The following INTS8 variants were observed in gnomAD, a reference collection of about 807,000 sequenced individuals.
The protein encoded by INTS8 is protein kaonashi-1.
Under a neutral mutation model 138.9 loss-of-function variants are expected in INTS8, and 47 were observed. That is an observed-to-expected ratio of 0.34 (90% CI 0.27 to 0.43). The LOEUF (loss-of-function observed/expected upper bound fraction) is 0.43, where lower values mean the gene tolerates loss of function less well. Among genes scored for constraint, INTS8 ranks in the 20% least tolerant of loss-of-function variants. The probability of loss-of-function intolerance (pLI) is 1.00; values close to 1 mark genes in which losing one functional copy is unlikely to be tolerated. For missense variants in INTS8, 996 were observed against 1,173.0 expected (o/e 0.85, Z 2.20); for synonymous variants, 392 against 400.9 (o/e 0.98, Z 0.27).
chr8:94,848,519 A>G (rs1305525985), intron 10 of INTS8, among the ~76,000 whole-genome samples: 1 of 152,136 alleles, frequency 6.6e-6, no homozygotes, highest in Non-Finnish European at 1.5e-5. Flanking sequence ...TGAGGCAACT[A>G]CTAATCTAAT....
chr8:94,857,665 G>T (rs1815802157), intron 15 of INTS8, among the ~76,000 whole-genome samples: 1 of 152,122 alleles, frequency 6.6e-6, no homozygotes, highest in Admixed American at 6.5e-5. Flanking sequence ...TTTGGCTTGG[G>T]CTGCATTGCT....
intron 6 of INTS8, among the ~76,000 whole-genome samples, chr8:94,833,030 CTCTT>C (rs1814785764): frequency 6.6e-6 from 1 of 151,928 alleles, no homozygotes; most frequent in Non-Finnish European, 1.5e-5. Context: ...CTCTCTCTCT[CTCTT>C]TTTTTTTTAA....
At position 94,842,476 on chromosome 8, in the gene INTS8, C is replaced by T; in HGVS notation, c.1248C>T (p.Asp416=). 6.2e-7 allele frequency: 1 copy of T among 1,600,614 alleles called. No homozygotes were observed. Among genetic ancestry groups the T allele is most frequent in the Middle Eastern group, 1.7e-4 (1 of 6,006 alleles). The part of the protein sequence containing the change: ...LFLRPNKEKI[D]FLLEVCSRSV... Reference sequence around the variant, plus strand: ...TTAGACCAAATAAAGAGAAAATAGACTTTCTTCTTGAGGTATGACATGTTT... The same window carrying T: ...TTAGACCAAATAAAGAGAAAATAGATTTTCTTCTTGAGGTATGACATGTTT... Residue 416 remains aspartate (D), a synonymous_variant, in exon 10 of 27, where the codon GAC becomes GAT. Transcript: ENST00000523731.
Position 94,871,955 on chromosome 8 carries a change from A to C in INTS8, c.2486A>C (p.Asn829Thr), listed in dbSNP as rs1468793595. 2 of 1,606,408 alleles carry C rather than the reference A, an allele frequency of 1.2e-6. No individual in the cohort carries two copies. Among genetic ancestry groups the C allele is most frequent in the Non-Finnish European group, 1.7e-6 (2 of 1,173,914 alleles). ...CTAGTTCGATATACACTCAGTATAAATCCAAATAACCATTCTTGGTTAATT... is the reference window on the plus strand; with the variant it reads ...CTAGTTCGATATACACTCAGTATAACTCCAAATAACCATTCTTGGTTAATT... Reference protein sequence around the residue: ...KELVRYTLSINPNNHSWLIIQ... With the variant: ...KELVRYTLSITPNNHSWLIIQ... The change falls in exon 21 of 27, where the codon AAT (asparagine) becomes ACT (threonine). Residue 829 changes from asparagine to threonine, a missense_variant. Transcript: ENST00000523731.
rs1815474180 is a variant in INTS8, at chr8:94,850,043, A to G, written c.1459A>G (p.Arg487Gly). ...LVDQMRKRSP[R>G]VNLCIKPVTS... is the part of the protein sequence containing the mutation. The stretch of plus-strand genomic sequence containing the variant: ...TGATCAGATGAGGAAGAGATCCCCT[A>G]GAGTAAATCTGTGCATTAAACCTGT... The change falls in exon 12 of 27, where the codon AGA (arginine) becomes GGA (glycine). Residue 487 changes from arginine to glycine, a missense_variant. Physicochemically the swap from Arg to Gly is moderately radical, Grantham distance 125. Transcript: ENST00000523731. The G allele has an allele frequency of 2.5e-6, 4 of 1,612,970 alleles. 1 individual carries two copies. Among genetic ancestry groups the G allele is most frequent in the South Asian group, 2.2e-5 (2 of 90,826 alleles).
intron 21 of INTS8, among the ~76,000 whole-genome samples, chr8:94,872,744 A>C (rs937265758): frequency 2.0e-5 from 3 of 152,204 alleles, no homozygotes; most frequent in Non-Finnish European, 2.9e-5. Flanking sequence ...ATTACTCTAC[A>C]GATCAAATAA....
chr8:94,850,429 G>A (rs959498538), intron 12 of INTS8, among the ~76,000 whole-genome samples: 23 of 152,178 alleles, frequency 1.5e-4, no homozygotes, highest in Non-Finnish European at 7.4e-5. Flanking sequence ...TGGCTAACAC[G>A]GTGAAACCCC....
intron 20 of INTS8, chr8:94,868,646 A>T (rs558565365): frequency 6.6e-6 from 1 of 152,230 alleles, no homozygotes; most frequent in South Asian, 2.1e-4. Context: ...AGGTAGAGAC[A>T]GTTTTTCTTT....
chr8:94,861,286 G>A (rs1352496154), intron 16 of INTS8, among the ~76,000 whole-genome samples: 1 of 10,738 alleles, frequency 9.3e-5, no homozygotes, highest in Non-Finnish European at 1.9e-4. Flanking sequence ...TTTTGAGACG[G>A]AGTCTCGCTC....
In INTS8 at chr8:94,867,298, C is replaced by T. The variant is rs1438702761; in HGVS notation, c.2375C>T (p.Thr792Ile). Residue 792 changes from threonine to isoleucine, a missense_variant, in exon 20 of 27, where the codon ACA becomes ATA. Transcript: ENST00000523731. ...NVREDIVNDI[T>I]AEHISIWPSS... is the part of the protein sequence containing the mutation. ...AAGGAGGACATTGTGAATGATATTA[C>T]AGCTGAACACATTTCTATTTGGCCA... 5 of 1,611,782 alleles carry T rather than the reference C, an allele frequency of 3.1e-6. No individual in the cohort carries two copies. Among genetic ancestry groups the T allele is most frequent in the African/African-American group, 1.3e-5 (1 of 74,806 alleles).
intron 26 of INTS8, among the ~76,000 whole-genome samples, chr8:94,877,889 T>C (rs935839390): frequency 2.7e-4 from 41 of 152,278 alleles, no homozygotes; most frequent in Admixed American, 1.0e-3. Context: ...CCCTTCCATC[T>C]TCCCTTCTCT....
At chr8:94,864,030 C>T (rs1415835853) in intron 16 of INTS8, among the ~76,000 whole-genome samples, 1 of 152,112 alleles carries the variant, frequency 6.6e-6, no homozygotes, top group Non-Finnish European at 1.5e-5. Flanking sequence ...TGTCCTCGTC[C>T]TTAGAAGATG....
chr8:94,833,326 GGA>G (rs1363355532), intron 6 of INTS8, among the ~76,000 whole-genome samples: 7 of 151,928 alleles, frequency 4.6e-5, no homozygotes, highest in African/African-American at 1.7e-4. Flanking sequence ...GTTTGCAGCA[GGA>G]GTAGGAGTTA....
chr8:94,851,401 ATG>A (rs1446918052), intron 12 of INTS8, 150 bp from the exon 13 acceptor site: 1 of 419,996 alleles, frequency 2.4e-6, no homozygotes, highest in East Asian at 4.0e-5. Context: ...GATAAAGTTA[ATG>A]TGTAATTTAT....
Position 94,856,252 on chromosome 8 carries a change from G to A in INTS8, c.1753-525G>A, listed in dbSNP as rs78659349. On this transcript the variant is annotated intron_variant, in intron 14 of 26. Transcript: ENST00000523731. ...CTTCTTTGTAATGATGGGGGTAGAA[G>A]CCAGATTATGGGAGTGAATGAAATA... Among the ~76,000 whole-genome samples, 1,385 of 152,332 alleles carry A rather than the reference G, an allele frequency of 9.1e-3. 11 individuals are homozygous for A. The highest frequency in any genetic ancestry group is 0.014 in the Non-Finnish European group (976 of 68,034).
At chr8:94,847,805 TTCTCACTATGTGAATAAATAA>T (rs1431197619) in intron 10 of INTS8, among the ~76,000 whole-genome samples, 1 of 152,162 alleles carries the variant, frequency 6.6e-6, no homozygotes, top group African/African-American at 2.4e-5. Context: ...TGTACAAAGC[TTCTCACTATGTGAATAAATAA>T]TCTGTTGTAA....
chr8:94,846,514 TCCACC>T (rs1815338771), intron 10 of INTS8, among the ~76,000 whole-genome samples: 1 of 152,192 alleles, frequency 6.6e-6, no homozygotes, highest in Non-Finnish European at 1.5e-5. Context: ...CCTCAGGCGA[TCCACC>T]CGCCTCAGCC....
chr8:94,843,314 T>A (rs1043264958), intron 10 of INTS8, among the ~76,000 whole-genome samples: 3 of 152,212 alleles, frequency 2.0e-5, no homozygotes, highest in African/African-American at 7.2e-5. Context: ...ACACCTGTAA[T>A]CTCAGCACTT....
intron 10 of INTS8, among the ~76,000 whole-genome samples, 183 bp downstream of exon 10, chr8:94,842,671 C>T (rs528659775): frequency 4.6e-5 from 7 of 152,218 alleles, no homozygotes; most frequent in South Asian, 2.1e-4. Flanking sequence ...TTTTCTAGTT[C>T]GCTCCATGTT....
Sources: allele counts gnomAD v4.1 joint callset (sites outside exome capture counted in the v4.1 genomes callset), GRCh38; gene constraint gnomAD v4.1.1; transcripts MANE v1.5; gene names NCBI Gene and HGNC (gene_info 2026-07-23, HGNC 2026-07-21).